Variants in TRHDE observed in about 807,000 individuals in gnomAD.
TRHDE encodes thyrotropin-releasing hormone-degrading ectoenzyme.
Under a neutral mutation model 125.7 loss-of-function variants are expected in TRHDE, and 72 were observed. That is an observed-to-expected ratio of 0.57 (90% CI 0.47 to 0.70). The LOEUF is 0.70. Among genes scored for constraint, TRHDE ranks in the 30% least tolerant of loss-of-function variants. The pLI, the probability that TRHDE is intolerant of heterozygous loss-of-function variation, is 0.00. For missense variants in TRHDE, 1,110 were observed against 1,327.1 expected (o/e 0.84, Z 2.54); for synonymous variants, 509 against 509.1 (o/e 1.00, Z 0.00).
At chr12:72,516,548 A>C (rs1454845748) in intron 6 of TRHDE, among the ~76,000 whole-genome samples, 1 of 152,284 alleles carries the variant, frequency 6.6e-6, no homozygotes, top group East Asian at 1.9e-4. Flanking sequence ...CTTTGGGCTG[A>C]GACAATGGGG....
At chr12:72,138,881 T>C (rs1391062872) in intron 2 of TRHDE, among the ~76,000 whole-genome samples, 1 of 152,230 alleles carries the variant, frequency 6.6e-6, no homozygotes, top group Non-Finnish European at 1.5e-5. Context: ...GAGGGTGTCC[T>C]CAACACTTTT....
intron 2 of TRHDE, among the ~76,000 whole-genome samples, chr12:72,247,289 A>T (rs947648463): frequency 1.1e-4 from 17 of 152,130 alleles, no homozygotes; most frequent in African/African-American, 2.2e-4. Context: ...ATTAAAAAAA[A>T]TTTTTGACCT....
At chr12:72,377,327 A>G (rs1349714886) in intron 2 of TRHDE, among the ~76,000 whole-genome samples, 1 of 147,544 alleles carries the variant, frequency 6.8e-6, no homozygotes, top group African/African-American at 2.6e-5. Context: ...TTGGCCAAGG[A>G]CTAGATAATA....
At chr12:72,135,988 A>G (rs1352910833) in intron 2 of TRHDE, among the ~76,000 whole-genome samples, 3 of 152,050 alleles carry the variant, frequency 2.0e-5, no homozygotes, top group Admixed American at 6.6e-5. Flanking sequence ...GTGTTGTTGT[A>G]AGTATGCTGT....
At chr12:72,412,384 A>G (rs1321146565) in intron 3 of TRHDE, among the ~76,000 whole-genome samples, 1 of 152,142 alleles carries the variant, frequency 6.6e-6, no homozygotes, top group Non-Finnish European at 1.5e-5. Flanking sequence ...ATGCTAATGT[A>G]TTCTCATCTG....
At chr12:72,616,308 A>G (rs1872809704) in intron 12 of TRHDE, among the ~76,000 whole-genome samples, 1 of 152,162 alleles carries the variant, frequency 6.6e-6, no homozygotes, top group Non-Finnish European at 1.5e-5. Flanking sequence ...AAAATTACAA[A>G]GTATTTTTCA....
chr12:72,596,752 C>A (rs1487581828), intron 12 of TRHDE, among the ~76,000 whole-genome samples: 1 of 152,078 alleles, frequency 6.6e-6, no homozygotes, highest in Non-Finnish European at 1.5e-5. Context: ...TGATCTCAAG[C>A]ACTTTAGCCG....
intron 2 of TRHDE, among the ~76,000 whole-genome samples, chr12:72,177,837 C>T (rs140814530): frequency 1.4e-3 from 211 of 151,796 alleles, no homozygotes; most frequent in African/African-American, 4.9e-3. Context: ...ATGATTGGGC[C>T]GCCTATGAAA....
chr12:72,647,947 A>T (rs1034014482), intron 15 of TRHDE, among the ~76,000 whole-genome samples: 1 of 152,240 alleles, frequency 6.6e-6, no homozygotes, highest in Admixed American at 6.6e-5. Context: ...AGCCAGGTGA[A>T]GACATCACAA....
Position 72,113,883 on chromosome 12 carries a change from A to G in TRHDE, n.279+8131A>G, listed in dbSNP as rs550396710. Among the ~76,000 whole-genome samples, 90 of 152,262 alleles carry G rather than the reference A, an allele frequency of 5.9e-4. 1 individual carries two copies. Among genetic ancestry groups the G allele is most frequent in the African/African-American group, 2.1e-3 (87 of 41,558 alleles). On this transcript the variant is annotated intron_variant and non_coding_transcript_variant, in intron 2 of 4. Transcript: ENST00000548156. ...CCTGGGTCCTTTTTTCTTATTCATCATAGTGCTTAGGTGCTACTCATTATA... is the reference window on the plus strand; with the variant it reads ...CCTGGGTCCTTTTTTCTTATTCATCGTAGTGCTTAGGTGCTACTCATTATA...
chr12:72,477,553 G>A lies in TRHDE; in HGVS notation c.1584+4373G>A, dbSNP rs73346503. Among the ~76,000 whole-genome samples, 837 of 152,224 alleles carry A rather than the reference G, an allele frequency of 5.5e-3. 7 individuals are homozygous for A. The highest frequency in any genetic ancestry group is 0.019 in the African/African-American group (796 of 41,538). ...GCTTGATGTTATTTTATCAAAGTTGGCTGTTAGTGACAACATTATTGGATG... is the reference window on the plus strand; with the variant it reads ...GCTTGATGTTATTTTATCAAAGTTGACTGTTAGTGACAACATTATTGGATG... On this transcript the variant is annotated intron_variant, in intron 5 of 18. Transcript: ENST00000261180.
rs528106798 is a variant in TRHDE, at chr12:72,470,034, G to A, written c.1470+122G>A. ...AAGTTTTAATTTTATATGGAGCACT[G>A]TGTAGTTCTTTCTGGAAGATATGTC... On this transcript the variant is annotated intron_variant, in intron 4 of 18. Transcript: ENST00000261180. 9.1e-4 allele frequency: 835 copies of A among 920,954 alleles called. 2 individuals carry two copies. The highest frequency in any genetic ancestry group is 9.6e-4 in the Non-Finnish European group (600 of 628,062). The allele number at this position is 920,954 out of a possible 1,614,324, so 57.0% of individuals were successfully genotyped here. A position where few individuals can be genotyped will look rare whatever the true frequency, so the allele number is the denominator to read the frequency against.
At chr12:72,120,451 G>T (rs1008339290) in intron 2 of TRHDE, among the ~76,000 whole-genome samples, 1 of 151,412 alleles carries the variant, frequency 6.6e-6, no homozygotes, top group African/African-American at 2.4e-5. Flanking sequence ...TTCCTTTAAG[G>T]TGATTTTCTC....
chr12:72,500,030 G>T (rs1878083080), intron 6 of TRHDE, among the ~76,000 whole-genome samples: 1 of 152,042 alleles, frequency 6.6e-6, no homozygotes, highest in African/African-American at 2.4e-5. Context: ...TGATGCAAAT[G>T]GATATAGGTA....
At chr12:72,565,376 T>C (rs182291184) in intron 9 of TRHDE, among the ~76,000 whole-genome samples, 1 of 152,222 alleles carries the variant, frequency 6.6e-6, no homozygotes, top group African/African-American at 2.4e-5. Flanking sequence ...AATTATATTT[T>C]TATATGTAAT....
chr12:72,260,587 G>T (rs933627470), intron 2 of TRHDE, among the ~76,000 whole-genome samples: 3 of 152,086 alleles, frequency 2.0e-5, no homozygotes, highest in African/African-American at 7.2e-5. Flanking sequence ...AGAGTTTATT[G>T]AGACTCTAAA....
At chr12:72,569,739 C>T (rs548348778) in intron 10 of TRHDE, among the ~76,000 whole-genome samples, 10 of 152,192 alleles carry the variant, frequency 6.6e-5, no homozygotes, top group East Asian at 3.9e-4. Flanking sequence ...TATTTATATA[C>T]GCTGTATATG....
At chr12:72,098,377 G>T (rs1351955704) in intron 1 of TRHDE, among the ~76,000 whole-genome samples, 1 of 152,110 alleles carries the variant, frequency 6.6e-6, no homozygotes, top group Non-Finnish European at 1.5e-5. Context: ...ACCTTGAAAT[G>T]CTGACATTGA....
intron 3 of TRHDE, among the ~76,000 whole-genome samples, chr12:72,387,596 A>G (rs774943748): frequency 5.9e-5 from 9 of 152,146 alleles, no homozygotes; most frequent in Non-Finnish European, 1.3e-4. Flanking sequence ...CCCATTACTC[A>G]TAAAGTCTAA....
Sources: gnomAD v4.1 joint callset for allele counts (sites outside exome capture counted in the v4.1 genomes callset) on GRCh38, gnomAD v4.1.1 for gene constraint, MANE v1.5 for transcripts, NCBI Gene and HGNC (gene_info 2026-07-23, HGNC 2026-07-21) for gene names.